The following CLVS1 variants were observed in gnomAD, a reference collection of about 807,000 sequenced individuals.
CLVS1 encodes clavesin-1.
Under a neutral mutation model 33.1 loss-of-function variants are expected in CLVS1, and 10 were observed. That is an observed-to-expected ratio of 0.30 (90% CI 0.19 to 0.51). CLVS1 has a LOEUF of 0.51. CLVS1 is among the 20% of genes least tolerant of loss of function. CLVS1 has a pLI of 0.97. For missense variants in CLVS1, 343 were observed against 433.4 expected, an observed-to-expected ratio of 0.79 and a Z score of 1.85; for synonymous variants, 163 against 166.1, an observed-to-expected ratio of 0.98 and a Z score of 0.14.
intron 3 of CLVS1, among the ~76,000 whole-genome samples, chr8:61,382,602 G>C (rs1813926334): frequency 6.6e-6 from 1 of 152,194 alleles, no homozygotes; most frequent in Non-Finnish European, 1.5e-5. Context: ...CTAACACATG[G>C]TATTATAGTA....
At chr8:61,241,456 G>A (rs940910534) in intron 2 of CLVS1, among the ~76,000 whole-genome samples, 2 of 151,400 alleles carry the variant, frequency 1.3e-5, no homozygotes, top group African/African-American at 4.9e-5. Flanking sequence ...ATTGCTTTGG[G>A]GAGAATATAT....
chr8:61,072,550 C>A (rs529149644), intron 1 of CLVS1, among the ~76,000 whole-genome samples: 5 of 152,100 alleles, frequency 3.3e-5, no homozygotes, highest in Non-Finnish European at 5.9e-5. Flanking sequence ...AGAAAAGCAA[C>A]GAAAGATGCA....
At chr8:60,971,572 G>A in the CLVS1 span, among the ~76,000 whole-genome samples, 4 of 152,080 alleles carry the variant, frequency 2.6e-5, no homozygotes, top group Non-Finnish European at 5.9e-5. Context: ...GCTTCCAGAG[G>A]TGCAGAGTAA....
intron 2 of CLVS1, among the ~76,000 whole-genome samples, chr8:61,341,405 G>A (rs952420890): frequency 3.9e-5 from 6 of 152,186 alleles, no homozygotes; most frequent in South Asian, 2.1e-4. Flanking sequence ...TTTTCCACAC[G>A]TACAATGTGT....
rs928035231 is a variant in CLVS1 at position 61,500,798 on chromosome 8, A to G, written c.*1256A>G. The G allele has an allele frequency of 6.6e-6, 1 of 152,224 alleles. No homozygotes were observed. The highest frequency in any genetic ancestry group is 1.5e-5 in the Non-Finnish European group (1 of 68,038). 9.4% of individuals were successfully genotyped at this position (152,224 alleles called of 1,614,324 possible). A position where few individuals can be genotyped will look rare whatever the true frequency, so the allele number is the denominator to read the frequency against. ...AAGTCAAACAAAAATATTTTAGTTA[A>G]TAATGGGCAGTAAAATATGATTTTA... On this transcript the variant is annotated 3_prime_UTR_variant, in exon 6 of 6. Coordinates refer to ENST00000325897, the MANE Select transcript of CLVS1 (RefSeq NM_173519.3).
At chr8:61,475,139 T>C (rs1030908990) in intron 5 of CLVS1, among the ~76,000 whole-genome samples, 1 of 152,260 alleles carries the variant, frequency 6.6e-6, no homozygotes, top group Non-Finnish European at 1.5e-5. Flanking sequence ...TCATTTTTTA[T>C]GGCTGCATAG....
At chr8:61,450,319 A>T (rs1816907781) in intron 3 of CLVS1, among the ~76,000 whole-genome samples, 2 of 152,202 alleles carry the variant, frequency 1.3e-5, no homozygotes, top group Non-Finnish European at 2.9e-5. Context: ...AAAGCAAAAA[A>T]AACTTATGCT....
At chr8:61,009,171 A>AT in the CLVS1 span, among the ~76,000 whole-genome samples, 223 of 145,116 alleles carry the variant, frequency 1.5e-3, no homozygotes, top group Middle Eastern at 3.5e-3. Flanking sequence ...ACTCTTAAAA[A>AT]TTTTTTTTTT....
intron 3 of CLVS1, among the ~76,000 whole-genome samples, chr8:61,428,833 C>A (rs1462487617): frequency 6.6e-6 from 1 of 152,170 alleles, no homozygotes; most frequent in Non-Finnish European, 1.5e-5. Context: ...AGATATTGAT[C>A]CACAACTGGT....
intron 1 of CLVS1, among the ~76,000 whole-genome samples, chr8:61,127,480 A>C (rs1030068957): frequency 6.6e-6 from 1 of 152,152 alleles, no homozygotes; most frequent in Non-Finnish European, 1.5e-5. Flanking sequence ...TTGGCCTCCC[A>C]AAGTGCTGGG....
chr8:61,109,948 A>C (rs1284315371), intron 1 of CLVS1, among the ~76,000 whole-genome samples: 1 of 152,190 alleles, frequency 6.6e-6, no homozygotes, highest in African/African-American at 2.4e-5. Flanking sequence ...CCAGGACTGT[A>C]AGAAATAAAT....
intron 4 of CLVS1, among the ~76,000 whole-genome samples, chr8:61,455,178 T>TTGTGTG (rs35160609): frequency 0.067 from 9,878 of 147,420 alleles, 400 homozygotes; most frequent in Non-Finnish European, 0.083. Context: ...TAATTATGAT[T>TTGTGTG]TGTGTGTGTG....
chr8:61,180,405 G>C (rs1807205685), intron 2 of CLVS1, among the ~76,000 whole-genome samples: 1 of 152,142 alleles, frequency 6.6e-6, no homozygotes, highest in African/African-American at 2.4e-5. Context: ...AACTCTACTG[G>C]AGATACAAAG....
chr8:61,068,357 G>A (rs865992898), intron 1 of CLVS1, among the ~76,000 whole-genome samples: 1 of 151,638 alleles, frequency 6.6e-6, no homozygotes, highest in East Asian at 1.9e-4. Flanking sequence ...ACTCCAGGGC[G>A]GGAGAGCTGT....
rs979012398 is a variant in CLVS1, at chr8:61,410,974, A to G, written c.630+34195A>G. ...ATTATTAAAACTGACATTTGTGGGC[A>G]CTGAGAACCTTGTTCTCCTCCTACG... On this transcript the variant is annotated intron_variant, in intron 3 of 5. Coordinates refer to ENST00000325897, the MANE Select transcript of CLVS1 (RefSeq NM_173519.3). 9.2e-5 allele frequency among the ~76,000 whole-genome samples: 14 copies of G among 152,286 alleles called. No individual in the cohort carries two copies. The East Asian group carries it at 2.7e-3, about 29-fold the overall frequency.
chr8:61,143,619 C>G (rs1273379301), intron 2 of CLVS1, among the ~76,000 whole-genome samples: 9 of 151,754 alleles, frequency 5.9e-5, no homozygotes, highest in African/African-American at 2.2e-4. Context: ...TTATGAGCAG[C>G]CTGCCCTGAA....
intron 2 of CLVS1, among the ~76,000 whole-genome samples, chr8:61,343,010 T>G (rs1812078700): frequency 6.6e-6 from 1 of 152,186 alleles, no homozygotes; most frequent in Non-Finnish European, 1.5e-5. Context: ...GCCACCTGTT[T>G]TCAGGTATTA....
At chr8:61,229,136 T>C (rs1191475058) in intron 2 of CLVS1, among the ~76,000 whole-genome samples, 2 of 152,204 alleles carry the variant, frequency 1.3e-5, no homozygotes, top group Non-Finnish European at 2.9e-5. Context: ...TCTTGAGAAA[T>C]GTCTATTTAG....
At chr8:61,194,144 T>C (rs1807553059) in intron 2 of CLVS1, among the ~76,000 whole-genome samples, 1 of 152,022 alleles carries the variant, frequency 6.6e-6, no homozygotes, top group Non-Finnish European at 1.5e-5. Flanking sequence ...GAAGAAGGCA[T>C]GATAAAGCAA....
Sources: allele counts gnomAD v4.1 joint callset (sites outside exome capture counted in the v4.1 genomes callset), GRCh38; gene constraint gnomAD v4.1.1; transcripts MANE v1.5; gene names NCBI Gene and HGNC (gene_info 2026-07-23, HGNC 2026-07-21).